GABRB1: variants seen among roughly 807,000 people sequenced by gnomAD.
The protein encoded by GABRB1 is gamma-aminobutyric acid type A receptor subunit beta1.
GABRB1 carries 17 observed loss-of-function variants against 51.6 expected under a neutral mutation model. The ratio of observed to expected loss-of-function variants is 0.33; its 90% confidence interval spans 0.23 to 0.49. The LOEUF is 0.49. GABRB1 is among the 20% of genes least tolerant of loss of function. GABRB1 has a pLI of 0.99. For missense variants in GABRB1, 410 were observed against 600.6 expected (o/e 0.68, Z 3.32); for synonymous variants, 247 against 218.9 (o/e 1.13, Z -1.14).
intron 3 of GABRB1, among the ~76,000 whole-genome samples, chr4:47,133,685 T>C (rs369369479): frequency 6.6e-6 from 1 of 152,144 alleles, no homozygotes; most frequent in African/African-American, 2.4e-5. Context: ...TTCCTCATGA[T>C]TAGATTCAGG....
At chr4:47,299,683 G>A (rs1288921755) in intron 4 of GABRB1, among the ~76,000 whole-genome samples, 16 of 152,128 alleles carry the variant, frequency 1.1e-4, no homozygotes, top group Non-Finnish European at 1.8e-4. Context: ...TCAGTGTGGC[G>A]ATTCCTCAGG....
chr4:47,397,106 T>A (rs1247865810), intron 5 of GABRB1, among the ~76,000 whole-genome samples: 1 of 152,202 alleles, frequency 6.6e-6, no homozygotes, highest in Non-Finnish European at 1.5e-5. Context: ...CTTTTGATTC[T>A]GTTTATAGAT....
At chr4:47,118,033 T>C (rs1039677160) in intron 3 of GABRB1, among the ~76,000 whole-genome samples, 2 of 152,202 alleles carry the variant, frequency 1.3e-5, no homozygotes, top group African/African-American at 4.8e-5. Flanking sequence ...ACCTGGCATC[T>C]AGGCAATACT....
intron 3 of GABRB1, among the ~76,000 whole-genome samples, chr4:47,132,605 T>C (rs1314963628): frequency 6.6e-6 from 1 of 152,096 alleles, no homozygotes; most frequent in Non-Finnish European, 1.5e-5. Context: ...TACAATTGTA[T>C]TGCAATGAAA....
chr4:47,016,685 T>A (rs1577827875), intron 1 of GABRB1, among the ~76,000 whole-genome samples: 2 of 151,986 alleles, frequency 1.3e-5, no homozygotes, highest in African/African-American at 4.8e-5. Context: ...ATCTCCTGGG[T>A]TCAAGCGATT....
At chr4:47,210,341 T>C (rs527523746) in intron 4 of GABRB1, among the ~76,000 whole-genome samples, 3 of 152,156 alleles carry the variant, frequency 2.0e-5, no homozygotes, top group Admixed American at 6.6e-5. Flanking sequence ...GCAAAGCATA[T>C]GAATGAACTG....
chr4:47,020,064 G>A (rs1173450779), intron 1 of GABRB1, among the ~76,000 whole-genome samples: 1 of 151,968 alleles, frequency 6.6e-6, no homozygotes, highest in Non-Finnish European at 1.5e-5. Flanking sequence ...GGGATTACAG[G>A]CATGAGCCAC....
intron 4 of GABRB1, among the ~76,000 whole-genome samples, chr4:47,312,031 C>A (rs1724705278): frequency 1.0e-5 from 1 of 99,854 alleles, no homozygotes; most frequent in African/African-American, 4.2e-5. Context: ...AACATTTACC[C>A]AAGGCTTGTG....
intron 4 of GABRB1, among the ~76,000 whole-genome samples, chr4:47,180,756 A>G (rs188175514): frequency 1.5e-4 from 23 of 152,148 alleles, no homozygotes; most frequent in Admixed American, 8.5e-4. Context: ...CACAGTTATA[A>G]TTTCATTTAA....
chr4:47,314,051 C>T (rs1045282679), intron 4 of GABRB1, among the ~76,000 whole-genome samples: 3 of 151,934 alleles, frequency 2.0e-5, no homozygotes, highest in African/African-American at 7.2e-5. Flanking sequence ...CTATTGATTT[C>T]TTCTCTTGCT....
intron 4 of GABRB1, among the ~76,000 whole-genome samples, chr4:47,168,487 C>T (rs1718292663): frequency 6.6e-6 from 1 of 151,998 alleles, no homozygotes; most frequent in Non-Finnish European, 1.5e-5. Context: ...ATTATATTCC[C>T]TTATTGTAAA....
intron 5 of GABRB1, among the ~76,000 whole-genome samples, chr4:47,348,647 A>G (rs1726192338): frequency 6.6e-6 from 1 of 152,220 alleles, no homozygotes; most frequent in Non-Finnish European, 1.5e-5. Context: ...CTCAACTTGT[A>G]GAGGACTGAC....
chr4:47,077,406 A>T (rs1274250979), intron 3 of GABRB1, among the ~76,000 whole-genome samples: 1 of 152,228 alleles, frequency 6.6e-6, no homozygotes, highest in East Asian at 1.9e-4. Flanking sequence ...GGATGGCCTT[A>T]TCATCTACCT....
At chr4:47,107,686 T>C (rs989048929) in intron 3 of GABRB1, among the ~76,000 whole-genome samples, 16 of 152,020 alleles carry the variant, frequency 1.1e-4, no homozygotes, top group African/African-American at 3.9e-4. Context: ...CTTAGAACAG[T>C]GTTTGGCCCA....
intron 5 of GABRB1, among the ~76,000 whole-genome samples, chr4:47,364,795 T>C (rs370228542): frequency 6.0e-4 from 91 of 152,144 alleles, no homozygotes; most frequent in African/African-American, 2.1e-3. Flanking sequence ...ACTTAGAAGA[T>C]GCGCATAAAA....
At chr4:47,140,400 T>C (rs575362027) in intron 3 of GABRB1, among the ~76,000 whole-genome samples, 1 of 151,934 alleles carries the variant, frequency 6.6e-6, no homozygotes, top group Non-Finnish European at 1.5e-5. Flanking sequence ...AAATTTATAA[T>C]AGCTAGAGAA....
chr4:47,409,655 T>C (rs777457182), intron 8 of GABRB1, among the ~76,000 whole-genome samples: 5 of 152,214 alleles, frequency 3.3e-5, no homozygotes, highest in Non-Finnish European at 7.4e-5. Context: ...TGTTCCCATT[T>C]AGAGCTGTGG....
chr4:47,101,938 T>C (rs1010016600), intron 3 of GABRB1, among the ~76,000 whole-genome samples: 5 of 152,026 alleles, frequency 3.3e-5, no homozygotes, highest in African/African-American at 9.7e-5. Context: ...CAAAAGCGCC[T>C]CCTTCATGTC....
chr4:47,323,987 G>A (rs1725169094), intron 5 of GABRB1, among the ~76,000 whole-genome samples: 1 of 152,098 alleles, frequency 6.6e-6, no homozygotes, highest in African/African-American at 2.4e-5. Flanking sequence ...TATCATGTGA[G>A]GGTTTGATAG....
Sources: gnomAD v4.1 joint callset for allele counts (sites outside exome capture counted in the v4.1 genomes callset) on GRCh38, gnomAD v4.1.1 for gene constraint, MANE v1.5 for transcripts, NCBI Gene and HGNC (gene_info 2026-07-23, HGNC 2026-07-21) for gene names.